The following SELP variants were observed in gnomAD, a reference collection of about 807,000 sequenced individuals.
SELP encodes P-selectin.
Under a neutral mutation model 104.1 loss-of-function variants are expected in SELP, and 92 were observed. The ratio of observed to expected loss-of-function variants is 0.88; its 90% CI spans 0.75 to 1.05. The LOEUF (loss-of-function observed/expected upper bound fraction) is 1.05, where lower values mean the gene tolerates loss of function less well. SELP is among the 50% of genes least tolerant of loss of function. The pLI, the probability that SELP is intolerant of heterozygous loss-of-function variation, is 0.00. For synonymous variants in SELP, 397 were observed against 364.5 expected (o/e 1.09, Z -1.01); for missense variants, 1,022 against 1,017.3 (o/e 1.00, Z -0.06).
chr1:169,608,819 G>T (rs933613576), intron 8 of SELP, among the ~76,000 whole-genome samples: 1 of 152,020 alleles, frequency 6.6e-6, no homozygotes, highest in Admixed American at 6.5e-5. Context: ...TACACTTCTG[G>T]AACATGACTT....
In SELP at chr1:169,609,702, G is replaced by A. The variant is rs1169063065; in HGVS notation, c.1148-13C>T. The A allele has an allele frequency of 1.9e-6, 3 of 1,601,826 alleles. No homozygotes were observed. Among genetic ancestry groups the A allele is most frequent in the South Asian group, 1.1e-5 (1 of 89,528 alleles). On this transcript the variant is annotated splice_polypyrimidine_tract_variant and intron_variant, in intron 7 of 16. Coordinates refer to ENST00000263686, the MANE Select transcript of SELP (RefSeq NM_003005.4). ...TCACACGAAATAGCTAAGTGGAAAAGGTATCTTCTAAAGCCAGGTAATGGA... is the reference window on the plus strand; with the variant it reads ...TCACACGAAATAGCTAAGTGGAAAAAGTATCTTCTAAAGCCAGGTAATGGA...
At chr1:169,622,972 T>C (rs1663210788) in intron 1 of SELP, among the ~76,000 whole-genome samples, 1 of 152,222 alleles carries the variant, frequency 6.6e-6, no homozygotes, top group African/African-American at 2.4e-5. Context: ...ATTTTTACAG[T>C]CTAATTTTTG....
At chr1:169,628,147 C>T (rs572286017) in intron 1 of SELP, among the ~76,000 whole-genome samples, 56 of 152,330 alleles carry the variant, frequency 3.7e-4, no homozygotes, top group African/African-American at 1.3e-3. Context: ...CTATGCGCCT[C>T]GGCCTCCCAA....
At position 169,612,284 on chromosome 1, in the gene SELP, T is replaced by C. The variant is rs1317834843; in HGVS notation, c.894A>G (p.Leu298=). 1 of 1,614,162 alleles carries C rather than the reference T, an allele frequency of 6.2e-7. No homozygotes were observed. The highest frequency in any genetic ancestry group is 8.5e-7 in the Non-Finnish European group (1 of 1,180,022). ...CSFSCEEGFA[L]VGPEVVQCTA... ...TGCATTGCACCACTTCCGGTCCAAC[T>C]AATGCAAATCCCTCTTCACAACTGA... The change falls in exon 6 of 17, where the codon TTA becomes TTG. Residue 298 remains leucine (L), a synonymous_variant. Transcript: ENST00000263686.
intron 4 of SELP, 122 bp from the exon 5 acceptor site, chr1:169,613,236 A>C (rs1662638297): frequency 1.1e-6 from 1 of 917,426 alleles, no homozygotes; most frequent in Non-Finnish European, 1.6e-6. Flanking sequence ...CTTTTAACCC[A>C]AGCTATCCAT....
chr1:169,625,314 T>A (rs1663323284), intron 1 of SELP, among the ~76,000 whole-genome samples: 1 of 152,212 alleles, frequency 6.6e-6, no homozygotes, highest in African/African-American at 2.4e-5. Flanking sequence ...TGAGTCTTCT[T>A]CTGAATCTAC....
chr1:169,627,184 T>C (rs1483567507), intron 1 of SELP, among the ~76,000 whole-genome samples: 2 of 152,186 alleles, frequency 1.3e-5, no homozygotes, highest in Non-Finnish European at 2.9e-5. Flanking sequence ...TGTTACAAGC[T>C]ATTACAGCTA....
intron 7 of SELP, 126 bp downstream of exon 7, chr1:169,611,366 G>A: frequency 1.1e-6 from 1 of 891,850 alleles, no homozygotes; most frequent in Non-Finnish European, 1.7e-6. Flanking sequence ...GGTTCCTGGA[G>A]GTTGAAGAGC....
chr1:169,628,774 A>T (rs916170805), intron 1 of SELP, among the ~76,000 whole-genome samples: 1 of 152,248 alleles, frequency 6.6e-6, no homozygotes, highest in African/African-American at 2.4e-5. Context: ...ATAACTGCTC[A>T]TTTAAGTTAA....
At chr1:169,613,534 G>T in intron 4 of SELP, 52 bp downstream of exon 4, 1 of 1,339,296 alleles carries the variant, frequency 7.5e-7, no homozygotes, top group Non-Finnish European at 1.1e-6. Context: ...TTACTTCTTG[G>T]CATCATCTCT....
chr1:169,595,809 G>A, intron 12 of SELP, 116 bp downstream of exon 12: 1 of 831,062 alleles, frequency 1.2e-6, no homozygotes, highest in Middle Eastern at 3.7e-4. Context: ...TCATAAGGGA[G>A]ATGACACTTG....
At chr1:169,612,174 T>A (rs1194407218) in intron 6 of SELP, 43 bp downstream of exon 6, 1 of 1,588,388 alleles carries the variant, frequency 6.3e-7, no homozygotes, top group Non-Finnish European at 8.6e-7. Flanking sequence ...AAGTAAGGAC[T>A]GGGTGCAATG....
chr1:169,594,077 A>T (rs936901915), intron 13 of SELP, among the ~76,000 whole-genome samples: 5 of 152,280 alleles, frequency 3.3e-5, no homozygotes, highest in Admixed American at 2.6e-4. Flanking sequence ...TATTCCTAAG[A>T]CTTAAATATA....
At chr1:169,602,139 T>C (rs1445045403) in intron 10 of SELP, among the ~76,000 whole-genome samples, 2 of 152,192 alleles carry the variant, frequency 1.3e-5, no homozygotes, top group Non-Finnish European at 2.9e-5. Context: ...ATTTTACTGG[T>C]AAATGATCAC....
At chr1:169,604,415 G>A (rs3917764) in intron 9 of SELP, among the ~76,000 whole-genome samples, 21 of 152,150 alleles carry the variant, frequency 1.4e-4, no homozygotes, top group African/African-American at 4.8e-4. Flanking sequence ...TGTTCACTCT[G>A]ATGGTAGTTT....
In SELP at chr1:169,591,450, C is replaced by A; in HGVS notation, c.2414G>T (p.Gly805Val). The A allele has an allele frequency of 6.4e-7, 1 of 1,573,698 alleles. No homozygotes were observed. The highest frequency in any genetic ancestry group is 8.6e-7 in the Non-Finnish European group (1 of 1,160,622). ...LRKRFRQKDD[G>V]KCPLNPHSHL... ...CCTGTGAGGATTCAAGGGGCATTTC[C>A]CATCATCTAAAATCAGCAAGAAGAC... Residue 805 changes from glycine (G) to valine (V), a missense_variant, in exon 15 of 17, where the codon GGG becomes GTG. Gly to Val is a moderately radical substitution (Grantham distance 109, BLOSUM62 -3). Transcript: ENST00000263686.
intron 5 of SELP, 76 bp downstream of exon 5, chr1:169,612,853 T>C: frequency 8.0e-7 from 1 of 1,247,550 alleles, no homozygotes; most frequent in Non-Finnish European, 1.1e-6. Context: ...CATTTTTTAA[T>C]GGAGAAAGCT....
chr1:169,620,236 A>G (rs902235274), intron 1 of SELP, among the ~76,000 whole-genome samples: 3 of 152,174 alleles, frequency 2.0e-5, no homozygotes, highest in African/African-American at 7.2e-5. Flanking sequence ...GTTTTTGGGC[A>G]TCTAAGTTCT....
At chr1:169,612,195 A>T in intron 6 of SELP, 22 bp downstream of exon 6, 1 of 1,611,112 alleles carries the variant, frequency 6.2e-7, no homozygotes, top group Non-Finnish European at 8.5e-7. Flanking sequence ...GACATTATAC[A>T]TCCCAACTAC....
Sources: allele counts gnomAD v4.1 joint callset (sites outside exome capture counted in the v4.1 genomes callset), GRCh38; gene constraint gnomAD v4.1.1; transcripts MANE v1.5; gene names NCBI Gene and HGNC (gene_info 2026-07-23, HGNC 2026-07-21).